The following SPMIP2 variants were observed in gnomAD, a reference collection of about 807,000 sequenced individuals.
SPMIP2 encodes protein SPMIP2.
the SPMIP2 span, among the ~76,000 whole-genome samples, chr4:158,976,860 C>A: frequency 2.6e-5 from 4 of 151,908 alleles, no homozygotes; most frequent in African/African-American, 9.7e-5. Flanking sequence ...CGGGGTTTCA[C>A]CATGTTGGCC....
the SPMIP2 span, among the ~76,000 whole-genome samples, chr4:159,025,428 C>G: frequency 0.99 from 150,170 of 152,308 alleles, 74,060 homozygotes; most frequent in East Asian, 1. Flanking sequence ...GCCTCCCAAA[C>G]TGCTGGGATT....
At chr4:158,904,514 T>A in the SPMIP2 span, 15 of 1,613,202 alleles carry the variant, frequency 9.3e-6, no homozygotes, top group East Asian at 3.1e-4. Flanking sequence ...CCAGTACTCA[T>A]TCTCCTTATG....
At chr4:158,913,551 A>C in the SPMIP2 span, among the ~76,000 whole-genome samples, 1 of 152,188 alleles carries the variant, frequency 6.6e-6, no homozygotes, top group Non-Finnish European at 1.5e-5. Flanking sequence ...TGAACTTTAG[A>C]TTAGATAATA....
chr4:158,924,375 TTTTG>T, the SPMIP2 span, among the ~76,000 whole-genome samples: 34 of 152,152 alleles, frequency 2.2e-4, no homozygotes, highest in African/African-American at 6.3e-4. Context: ...TATGGATGGT[TTTTG>T]TTTGTTTTTT....
At chr4:159,006,546 G>A in the SPMIP2 span, among the ~76,000 whole-genome samples, 1 of 152,152 alleles carries the variant, frequency 6.6e-6, no homozygotes, top group East Asian at 1.9e-4. Context: ...CATGCTGACA[G>A]CCAAGTTTCC....
chr4:159,064,641 T>C, the SPMIP2 span, among the ~76,000 whole-genome samples: 1 of 152,194 alleles, frequency 6.6e-6, no homozygotes, highest in African/African-American at 2.4e-5. Context: ...TATGGTTTCC[T>C]CTCCCAAATT....
At chr4:159,057,784 TAC>T in the SPMIP2 span, among the ~76,000 whole-genome samples, 1 of 145,664 alleles carries the variant, frequency 6.9e-6, no homozygotes, top group Non-Finnish European at 1.5e-5. Context: ...AAATTTTGAG[TAC>T]ATGATTATAA....
the SPMIP2 span, among the ~76,000 whole-genome samples, chr4:159,040,839 C>T: frequency 6.6e-6 from 1 of 152,180 alleles, no homozygotes; most frequent in Non-Finnish European, 1.5e-5. Flanking sequence ...ACAGACTTGG[C>T]TTCAAATCCC....
chr4:158,927,929 T>TGC, the SPMIP2 span, among the ~76,000 whole-genome samples: 1 of 152,200 alleles, frequency 6.6e-6, no homozygotes, highest in Non-Finnish European at 1.5e-5. Context: ...GGGCCTTAGC[T>TGC]GCCTTCCTGT....
the SPMIP2 span, among the ~76,000 whole-genome samples, chr4:158,960,837 T>C: frequency 6.6e-6 from 1 of 152,102 alleles, no homozygotes; most frequent in Non-Finnish European, 1.5e-5. Context: ...ATTCAGAGTA[T>C]TGATAACATA....
At chr4:159,025,088 C>T in the SPMIP2 span, among the ~76,000 whole-genome samples, 1 of 152,132 alleles carries the variant, frequency 6.6e-6, no homozygotes, top group African/African-American at 2.4e-5. Context: ...GTGGTGGAGC[C>T]AGAATAGTTT....
chr4:158,971,369 A>G, the SPMIP2 span, among the ~76,000 whole-genome samples: 1 of 152,200 alleles, frequency 6.6e-6, no homozygotes, highest in Non-Finnish European at 1.5e-5. Flanking sequence ...CCTAAGTGGA[A>G]TAGGACACAG....
the SPMIP2 span, among the ~76,000 whole-genome samples, chr4:158,943,552 G>A: frequency 2.6e-5 from 4 of 152,034 alleles, no homozygotes; most frequent in African/African-American, 9.7e-5. Context: ...AGTAAAATTT[G>A]TTATATATCT....
the SPMIP2 span, among the ~76,000 whole-genome samples, chr4:159,014,674 A>G: frequency 1.3e-5 from 2 of 152,076 alleles, no homozygotes; most frequent in Non-Finnish European, 2.9e-5. Flanking sequence ...TTTTCTCCAT[A>G]TTGGCTTTTC....
At chr4:158,955,250 C>CTAGA in the SPMIP2 span, among the ~76,000 whole-genome samples, 1 of 152,212 alleles carries the variant, frequency 6.6e-6, no homozygotes, top group African/African-American at 2.4e-5. Flanking sequence ...TTACATCTAT[C>CTAGA]TGCCTTGAAA....
the SPMIP2 span, among the ~76,000 whole-genome samples, chr4:158,976,273 T>C: frequency 1.6e-4 from 24 of 152,316 alleles, no homozygotes; most frequent in East Asian, 7.7e-4. Flanking sequence ...TTTGAATACA[T>C]TTATTTCTTT....
the SPMIP2 span, among the ~76,000 whole-genome samples, chr4:158,968,525 A>G: frequency 2.0e-5 from 3 of 152,224 alleles, no homozygotes; most frequent in Non-Finnish European, 2.9e-5. Context: ...AAGTGGCTCC[A>G]ATCTAATGTT....
the SPMIP2 span, chr4:159,034,901 A>AT: frequency 1.4e-6 from 1 of 697,578 alleles, no homozygotes; most frequent in Non-Finnish European, 2.4e-6. Flanking sequence ...AAAAAAAAAA[A>AT]CCCAAAAAAC....
the SPMIP2 span, among the ~76,000 whole-genome samples, chr4:159,080,788 A>T: frequency 1.3e-5 from 2 of 152,098 alleles, no homozygotes; most frequent in Non-Finnish European, 2.9e-5. Flanking sequence ...CAGTGGCACG[A>T]TCTCGGCTCA....
Sources: allele counts gnomAD v4.1 joint callset (sites outside exome capture counted in the v4.1 genomes callset), GRCh38; gene constraint gnomAD v4.1.1; transcripts MANE v1.5; gene names NCBI Gene and HGNC (gene_info 2026-07-23, HGNC 2026-07-21).